Variants in LONRF3 observed in about 807,000 individuals in gnomAD.
LONRF3 encodes LON peptidase N-terminal domain and ring finger 3.
In LONRF3, 19 loss-of-function variants were observed where a neutral mutation model predicts 51.7. That is an observed-to-expected ratio of 0.37 (90% CI 0.26 to 0.54). The LOEUF is 0.54. Among genes scored for constraint, LONRF3 ranks in the 20% least tolerant of loss-of-function variants. LONRF3 has a pLI of 0.86. For missense variants in LONRF3, 521 were observed against 623.9 expected, an observed-to-expected ratio of 0.84 and a Z score of 1.76; for synonymous variants, 265 against 257.8, an observed-to-expected ratio of 1.03 and a Z score of -0.27.
chrX:118,987,379 G>C (rs750129236), intron 3 of LONRF3, among the ~76,000 whole-genome samples: 177 of 105,302 alleles, frequency 1.7e-3, no homozygotes, highest in Non-Finnish European at 3.0e-3. Context: ...CTGGTCTCAA[G>C]AGATCCTCCC....
At chrX:118,993,124 C>T (rs1176475187) in intron 5 of LONRF3, among the ~76,000 whole-genome samples, 1 of 110,592 alleles carries the variant, frequency 9.0e-6, no homozygotes, top group Admixed American at 9.7e-5. Flanking sequence ...TCTAACACCC[C>T]CCCCCAAAAA....
intron 1 of LONRF3, chrX:118,976,686 G>A (rs1199322023): frequency 8.8e-6 from 1 of 113,095 alleles, no homozygotes; most frequent in Non-Finnish European, 1.9e-5. Flanking sequence ...AATTTCCCCA[G>A]GGAGCCGCTC....
Position 118,975,469 on chromosome X carries a change from G to A in LONRF3, c.689G>A (p.Ser230Asn), listed in dbSNP as rs772327033. ...PPPLRVNVVL[S>N]GLLGKLFPGP... is the part of the protein sequence containing the mutation. ...CCGCTGCGAGTCAACGTGGTGCTCA[G>A]CGGCCTCCTCGGCAAGTTGTTTCCA... The change falls in exon 1 of 11, where the codon AGC (serine) becomes AAC (asparagine). Residue 230 changes from serine (S) to asparagine (N), a missense_variant. Coordinates refer to ENST00000371628, the MANE Select transcript of LONRF3 (RefSeq NM_001031855.3). 1.2e-5 allele frequency: 14 copies of A among 1,196,183 alleles called. No individual in the cohort carries two copies. The highest frequency in any genetic ancestry group is 1.1e-6 in the Non-Finnish European group (1 of 888,830).
intron 1 of LONRF3, among the ~76,000 whole-genome samples, chrX:118,977,138 G>A (rs1235017137): frequency 9.1e-6 from 1 of 109,331 alleles, no homozygotes; most frequent in East Asian, 3.0e-4. Context: ...CAAGTAATGG[G>A]CACGCAAGCA....
chrX:119,012,848 G>A (rs1925202848), intron 8 of LONRF3, 191 bp from the exon 9 acceptor site: 2 of 1,135,319 alleles, frequency 1.8e-6, no homozygotes, highest in South Asian at 3.8e-5. Flanking sequence ...GCAGTTACAC[G>A]AATACATTAC....
chrX:118,997,582 G>A (rs1213718092), intron 5 of LONRF3, among the ~76,000 whole-genome samples: 2 of 112,148 alleles, frequency 1.8e-5, no homozygotes, highest in Admixed American at 9.4e-5. Flanking sequence ...ACCGAGAACC[G>A]AAAAGCAAAT....
chrX:119,011,117 A>G (rs948950559), intron 7 of LONRF3, among the ~76,000 whole-genome samples: 2 of 109,327 alleles, frequency 1.8e-5, no homozygotes, highest in African/African-American at 6.7e-5. Context: ...CCGCTTAAAA[A>G]AAAAAAAAAA....
At chrX:119,009,308 G>T in intron 7 of LONRF3, 61 bp downstream of exon 7, 1 of 1,062,663 alleles carries the variant, frequency 9.4e-7, no homozygotes, top group Non-Finnish European at 1.3e-6. Flanking sequence ...AGCTGAATGT[G>T]CACATTACTT....
intron 5 of LONRF3, among the ~76,000 whole-genome samples, chrX:119,001,307 C>T (rs185569553): frequency 8.9e-6 from 1 of 111,911 alleles, no homozygotes; most frequent in African/African-American, 3.2e-5. Context: ...GAAATACATG[C>T]ACACATTTGT....
intron 5 of LONRF3, among the ~76,000 whole-genome samples, chrX:119,002,073 C>T (rs1291814880): frequency 8.9e-6 from 1 of 112,472 alleles, no homozygotes; most frequent in Non-Finnish European, 1.9e-5. Context: ...CCAAATCACA[C>T]TTTTGAAAAA....
intron 3 of LONRF3, among the ~76,000 whole-genome samples, chrX:118,983,843 G>A (rs907798): frequency 0.012 from 1,338 of 112,066 alleles, 17 homozygotes; most frequent in African/African-American, 0.041. Flanking sequence ...GGAATAGTTA[G>A]CAAAATCAAT....
chrX:118,986,801 G>A, intron 3 of LONRF3: 1 of 567,283 alleles, frequency 1.8e-6, no homozygotes, highest in South Asian at 3.1e-5. Context: ...TAGGGACACT[G>A]GTCCAAGGCT....
chrX:119,010,853 C>A (rs368659407), intron 7 of LONRF3, among the ~76,000 whole-genome samples: 2 of 111,097 alleles, frequency 1.8e-5, no homozygotes, highest in Non-Finnish European at 3.8e-5. Context: ...GTGGCTCATG[C>A]GTGTAATCCT....
intron 3 of LONRF3, among the ~76,000 whole-genome samples, chrX:118,985,701 A>G (rs1001739947): frequency 9.0e-6 from 1 of 111,517 alleles, no homozygotes; most frequent in Admixed American, 9.5e-5. Context: ...ATGCTATATT[A>G]TGGTGCACTC....
chrX:118,992,482 T>C (rs1161955734), intron 5 of LONRF3, among the ~76,000 whole-genome samples: 2 of 110,264 alleles, frequency 1.8e-5, no homozygotes. Context: ...GACCTGGGAA[T>C]CTCACCCCCA....
intron 5 of LONRF3, among the ~76,000 whole-genome samples, chrX:119,000,364 G>C (rs1228285461): frequency 8.9e-6 from 1 of 112,132 alleles, no homozygotes; most frequent in Non-Finnish European, 1.9e-5. Context: ...GTTCCACAGG[G>C]AAAAGGGTGA....
chrX:118,975,193 C>T lies in LONRF3; in HGVS notation c.413C>T (p.Ala138Val), dbSNP rs1921900030. 3 of 1,180,831 alleles carry T rather than the reference C, an allele frequency of 2.5e-6. No homozygotes were observed. Among genetic ancestry groups the T allele is most frequent in the South Asian group, 3.7e-5 (2 of 53,722 alleles). The stretch of plus-strand genomic sequence containing the variant: ...AGCACTGCAAGCGGCACCGTGGCGG[C>T]GGAAGAGACGGGGGCCGCCGCGGCT... ...EGSTASGTVA[A>V]EETGAAAAAA... The change falls in exon 1 of 11, where the codon GCG becomes GTG. Residue 138 changes from alanine (A) to valine (V), a missense_variant. By Grantham distance (64) the Ala-to-Val change is moderately conservative. Around this residue, in one of 2 missense-constraint regions of LONRF3, gnomAD observed 376 missense variants for 376.7 expected, o/e 1.00. Transcript: ENST00000371628.
rs773993661 is a variant in LONRF3, at chrX:119,011,827, T to C, written c.1665T>C (p.Asn555=). The change falls in exon 8 of 11, where the codon AAT becomes AAC. Residue 555 remains asparagine (N), a synonymous_variant. Coordinates refer to ENST00000371628, the MANE Select transcript of LONRF3 (RefSeq NM_001031855.3). ...EMEELSNLNK[N]VPIFVCTMAY... ...CTCTTTCTGACAGCCTTAATAAGAATGTGCCTATTTTCGTGTGTACTATGG... is the reference window on the plus strand; with the variant it reads ...CTCTTTCTGACAGCCTTAATAAGAACGTGCCTATTTTCGTGTGTACTATGG... 2 of 1,209,726 alleles carry C rather than the reference T, an allele frequency of 1.7e-6. No individual in the cohort carries two copies. The highest frequency in any genetic ancestry group is 3.5e-5 in the African/African-American group (2 of 57,227).
intron 1 of LONRF3, 32 bp from the exon 2 acceptor site, chrX:118,978,313 T>C: frequency 1.0e-6 from 1 of 994,387 alleles, no homozygotes; most frequent in Admixed American, 2.2e-5. Context: ...CTGGGGGCCA[T>C]TAATAAAGGT....
Sources: allele counts gnomAD v4.1 joint callset (sites outside exome capture counted in the v4.1 genomes callset), GRCh38; gene constraint gnomAD v4.1.1; regional missense constraint gnomAD v4.1.1; transcripts MANE v1.5; gene names NCBI Gene and HGNC (gene_info 2026-07-23, HGNC 2026-07-21).